CAMK2D: variants seen among roughly 807,000 people sequenced by gnomAD.
CAMK2D encodes the protein calcium/calmodulin dependent protein kinase II delta.
A neutral mutation model predicts 84.0 loss-of-function variants in CAMK2D; 37 were observed. The observed-to-expected ratio is 0.44, with a 90% CI of 0.34 to 0.58. The LOEUF is 0.58. CAMK2D is among the 20% of genes least tolerant of loss of function. CAMK2D has a pLI of 0.02. For synonymous variants in CAMK2D, 202 were observed against 212.5 expected, an observed-to-expected ratio of 0.95 and a Z score of 0.43; for missense variants, 448 against 652.5, an observed-to-expected ratio of 0.69 and a Z score of 3.41.
In CAMK2D at chr4:113,453,813, A is replaced by G. The variant is rs2097274407; in HGVS notation, c.*732T>C. On this transcript the variant is annotated 3_prime_UTR_variant, in exon 21 of 21. Transcript: ENST00000511664. ...ATCACAGATTTGAGAAAGAAAAACA[A>G]TTCAATTCAGCAAATTCACCAAAAC... 6.6e-6 allele frequency: 1 copy of G among 152,612 alleles called. No individual in the cohort carries two copies. The highest frequency in any genetic ancestry group is 1.5e-5 in the Non-Finnish European group (1 of 68,034). The allele number at this position is 152,612 out of a possible 1,614,324, so 9.5% of individuals were successfully genotyped here. A position where few individuals can be genotyped will look rare whatever the true frequency, so the allele number is the denominator to read the frequency against.
intron 2 of CAMK2D, among the ~76,000 whole-genome samples, chr4:113,685,092 C>T (rs549617109): frequency 5.3e-4 from 81 of 152,132 alleles, no homozygotes; most frequent in Non-Finnish European, 1.1e-3. Flanking sequence ...AGGAGGGAGT[C>T]GCCAATCCAG....
In CAMK2D at chr4:113,589,075, G is replaced by C. The variant is rs543230820; in HGVS notation, c.275+20077C>G. 1.1e-4 allele frequency among the ~76,000 whole-genome samples: 17 copies of C among 152,256 alleles called. 1 individual carries two copies. ...AGAGGAAGTGCAAATACCTTGAGCT[G>C]CAATATGCCTAGCATGTCCCAGGCT... On this transcript the variant is annotated intron_variant, in intron 4 of 20. Transcript: ENST00000511664.
chr4:113,658,594 CCATCT>C, intron 3 of CAMK2D, among the ~76,000 whole-genome samples: 1 of 152,260 alleles, frequency 6.6e-6, no homozygotes, highest in Non-Finnish European at 1.5e-5. Flanking sequence ...ACAATTATCA[CCATCT>C]AATATCCAAT....
chr4:113,632,458 G>C (rs1028405495), intron 3 of CAMK2D, among the ~76,000 whole-genome samples: 2 of 151,828 alleles, frequency 1.3e-5, no homozygotes, highest in Non-Finnish European at 2.9e-5. Flanking sequence ...CCTGACCTCA[G>C]GTGATCCACC....
chr4:113,480,616 G>A (rs1191520861), intron 16 of CAMK2D, among the ~76,000 whole-genome samples: 2 of 151,912 alleles, frequency 1.3e-5, no homozygotes, highest in African/African-American at 2.4e-5. Context: ...CAAGGTGGGC[G>A]GATCACTTGA....
chr4:113,678,168 A>C (rs1592897922), intron 2 of CAMK2D, among the ~76,000 whole-genome samples: 2 of 152,290 alleles, frequency 1.3e-5, no homozygotes, highest in Middle Eastern at 3.4e-3. Context: ...GTTTTTAATA[A>C]GAATAGTTCT....
intron 4 of CAMK2D, among the ~76,000 whole-genome samples, chr4:113,590,682 A>T (rs1055083800): frequency 6.6e-6 from 1 of 152,158 alleles, no homozygotes; most frequent in East Asian, 1.9e-4. Flanking sequence ...GTAATTCAAA[A>T]CTTATAAACT....
intron 12 of CAMK2D, among the ~76,000 whole-genome samples, chr4:113,511,439 T>C (rs1419013019): frequency 1.3e-5 from 2 of 152,178 alleles, no homozygotes; most frequent in African/African-American, 4.8e-5. Context: ...TATGGGTACA[T>C]ACATTAATAA....
At chr4:113,742,275 T>C (rs979483895) in intron 2 of CAMK2D, among the ~76,000 whole-genome samples, 2 of 152,172 alleles carry the variant, frequency 1.3e-5, no homozygotes, top group African/African-American at 4.8e-5. Flanking sequence ...AGTTTCAGCA[T>C]AAAAAATATC....
chr4:113,686,274 G>T (rs2099359581), intron 2 of CAMK2D, among the ~76,000 whole-genome samples: 1 of 152,098 alleles, frequency 6.6e-6, no homozygotes, highest in African/African-American at 2.4e-5. Flanking sequence ...TATCTTTGTA[G>T]TAGTGTCTTC....
intron 2 of CAMK2D, among the ~76,000 whole-genome samples, chr4:113,713,908 GT>G (rs772417872): frequency 6.6e-6 from 1 of 150,660 alleles, no homozygotes; most frequent in Non-Finnish European, 1.5e-5. Context: ...CATTTATTTG[GT>G]TTTTTTTGTA....
intron 2 of CAMK2D, among the ~76,000 whole-genome samples, chr4:113,672,827 AAAT>A (rs2099296632): frequency 1.3e-5 from 2 of 152,194 alleles, no homozygotes; most frequent in Admixed American, 6.5e-5. Flanking sequence ...AAATGAAAAA[AAAT>A]ACTACTGAGT....
chr4:113,740,179 T>TA (rs780703542), intron 2 of CAMK2D, among the ~76,000 whole-genome samples: 5 of 152,264 alleles, frequency 3.3e-5, no homozygotes, highest in Middle Eastern at 6.8e-3. Flanking sequence ...AATAAAAACT[T>TA]ACGTCTACAC....
rs1166509098 is a variant in CAMK2D at position 113,455,838 on chromosome 4, C to T, written c.1536-17G>A. On this transcript the variant is annotated splice_polypyrimidine_tract_variant and intron_variant, in intron 19 of 20. Transcript: ENST00000511664. ...CAGGGTGGCCTATTAAGAGAAGCCC[C>T]ATTTAAGCCACCTGGCATAAAATGA... 6.9e-7 allele frequency: 1 copy of T among 1,450,532 alleles called. No individual in the cohort carries two copies. Among genetic ancestry groups the T allele is most frequent in the Admixed American group, 1.7e-5 (1 of 59,618 alleles). 89.9% of individuals were successfully genotyped at this position (1,450,532 alleles called of 1,614,324 possible).
intron 2 of CAMK2D, among the ~76,000 whole-genome samples, chr4:113,664,424 T>G (rs2099249698): frequency 6.6e-6 from 1 of 152,196 alleles, no homozygotes; most frequent in Admixed American, 6.5e-5. Context: ...CAGCCACGGC[T>G]GGGGTCTCAT....
intron 3 of CAMK2D, among the ~76,000 whole-genome samples, chr4:113,615,980 A>G (rs1163972817): frequency 6.6e-6 from 1 of 152,110 alleles, no homozygotes; most frequent in African/African-American, 2.4e-5. Context: ...CTATTTAGCA[A>G]TATGCCCCAT....
At chr4:113,491,385 C>A (rs1055898684) in intron 16 of CAMK2D, among the ~76,000 whole-genome samples, 2 of 138,358 alleles carry the variant, frequency 1.4e-5, no homozygotes, top group African/African-American at 2.8e-5. Context: ...GCTTTTTCTG[C>A]ATCTATTGAG....
intron 13 of CAMK2D, among the ~76,000 whole-genome samples, chr4:113,505,932 TAATC>T (rs1056863953): frequency 2.6e-4 from 39 of 152,116 alleles, no homozygotes; most frequent in East Asian, 5.8e-4. Context: ...TGAAAAATAA[TAATC>T]AATCAACATT....
At chr4:113,623,523 T>A (rs1353147719) in intron 3 of CAMK2D, among the ~76,000 whole-genome samples, 5 of 152,144 alleles carry the variant, frequency 3.3e-5, no homozygotes, top group African/African-American at 4.8e-5. Context: ...ACCTAGATGG[T>A]ATAGCCTACT....
Sources: allele counts gnomAD v4.1 joint callset (sites outside exome capture counted in the v4.1 genomes callset), GRCh38; gene constraint gnomAD v4.1.1; transcripts MANE v1.5; gene names NCBI Gene and HGNC (gene_info 2026-07-23, HGNC 2026-07-21).